The following PRKCZ variants were observed in gnomAD, a reference collection of about 807,000 sequenced individuals.
The protein encoded by PRKCZ is protein kinase C zeta type.
A neutral mutation model predicts 79.5 loss-of-function variants in PRKCZ; 33 were observed. That is an observed-to-expected ratio of 0.41 (90% CI 0.31 to 0.55). PRKCZ has a LOEUF of 0.55. Among genes scored for constraint, PRKCZ ranks in the 20% least tolerant of loss-of-function variants. The pLI is 0.19. For missense variants in PRKCZ, 578 were observed against 813.5 expected (o/e 0.71, Z 3.52); for synonymous variants, 342 against 320.9 (o/e 1.07, Z -0.70).
At chr1:2,050,759 T>A in intron 1 of PRKCZ, 58 bp downstream of exon 1, 24 of 813,832 alleles carry the variant, frequency 2.9e-5, no homozygotes, top group Non-Finnish European at 3.6e-5. Context: ...CGGGGAGGGC[T>A]CAGCCGTCGG....
At position 2,155,787 on chromosome 1, in the gene PRKCZ, CAAT is replaced by C. The variant is rs541857800; in HGVS notation, c.877-207_877-205del. On this transcript the variant is annotated intron_variant, in intron 9 of 17. Transcript: ENST00000378567. ...GTGACGGTGGTGATGATGACAGTGA[CAAT>C]GATGATGATGGTGGTGGTGGTGGTA... Among the ~76,000 whole-genome samples, 490 of 149,670 alleles carry C rather than the reference CAAT, an allele frequency of 3.3e-3. 1 individual carries two copies. The highest frequency in any genetic ancestry group is 0.011 in the African/African-American group (433 of 40,502).
intron 4 of PRKCZ, among the ~76,000 whole-genome samples, chr1:2,100,929 C>CT (rs1557558471): frequency 6.6e-6 from 1 of 151,980 alleles, no homozygotes; most frequent in Non-Finnish European, 1.5e-5. Flanking sequence ...GTCCCCGCTC[C>CT]TTCAGGCTGG....
rs986515400 is a variant in PRKCZ, at chr1:2,173,309, T to C, written c.1286-588T>C. On this transcript the variant is annotated intron_variant, in intron 13 of 17. Transcript: ENST00000378567. This position sits in a 1 kb window ranked among gnomAD's most constrained non-coding sequence, Gnocchi z 5.7. The stretch of plus-strand genomic sequence containing the variant: ...CAGATTGGAGGACTGGAATATAGTC[T>C]AGAACCCAGCTTGGGATGGGGATTC... Among the ~76,000 whole-genome samples the C allele has an allele frequency of 1.3e-5, 2 of 152,108 alleles. No homozygotes were observed. The highest frequency in any genetic ancestry group is 4.8e-5 in the African/African-American group (2 of 41,422).
intron 10 of PRKCZ, among the ~76,000 whole-genome samples, chr1:2,164,288 A>G (rs1016444462): frequency 4.4e-5 from 6 of 135,028 alleles, no homozygotes; most frequent in Admixed American, 3.0e-4. Context: ...CAGGGAGCGT[A>G]AAGAGAGACA....
chr1:2,157,722 T>G (rs548050888), intron 10 of PRKCZ, among the ~76,000 whole-genome samples: 87 of 151,486 alleles, frequency 5.7e-4, no homozygotes, highest in African/African-American at 1.9e-3. Flanking sequence ...GTTTTTTTTT[T>G]TTTTTTTTTA....
At chr1:2,145,979 C>T (rs1380817190) in intron 6 of PRKCZ, 48 bp from the exon 7 acceptor site, 2 of 1,501,284 alleles carry the variant, frequency 1.3e-6, no homozygotes, top group African/African-American at 1.4e-5. Flanking sequence ...CATTGTAACA[C>T]CTGCTCTAGC....
intron 10 of PRKCZ, among the ~76,000 whole-genome samples, chr1:2,157,917 C>T (rs917225073): frequency 6.6e-6 from 1 of 152,174 alleles, no homozygotes; most frequent in East Asian, 1.9e-4. Flanking sequence ...TCCGGGCCAG[C>T]TTTGCGGGCC....
chr1:2,067,278 G>A (rs796561067), intron 4 of PRKCZ, among the ~76,000 whole-genome samples: 1 of 152,166 alleles, frequency 6.6e-6, no homozygotes, highest in Non-Finnish European at 1.5e-5. Context: ...AGAGCTATGC[G>A]GGTTACTGTG....
At chr1:2,062,142 A>C (rs1010188291) in intron 4 of PRKCZ, among the ~76,000 whole-genome samples, 1 of 152,240 alleles carries the variant, frequency 6.6e-6, no homozygotes, top group Non-Finnish European at 1.5e-5. Flanking sequence ...ATATGAGTGA[A>C]TTGGTTTTAT....
chr1:2,090,910 G>A (rs927393011), intron 4 of PRKCZ, among the ~76,000 whole-genome samples: 9 of 152,214 alleles, frequency 5.9e-5, no homozygotes, highest in Non-Finnish European at 1.3e-4. Context: ...CAGTTTTCTT[G>A]ACATTATGAT....
intron 4 of PRKCZ, among the ~76,000 whole-genome samples, chr1:2,090,779 G>A (rs1665362631): frequency 6.6e-6 from 1 of 152,250 alleles, no homozygotes. Context: ...AATCTGGGAG[G>A]CCATGGATCC....
At chr1:2,081,759 C>T (rs552478270) in intron 4 of PRKCZ, among the ~76,000 whole-genome samples, 2 of 152,202 alleles carry the variant, frequency 1.3e-5, no homozygotes, top group South Asian at 2.1e-4. Flanking sequence ...GTGTGGGACT[C>T]GGCAGGTCCC....
chr1:2,141,663 A>T (rs1038445615), intron 5 of PRKCZ: 3 of 155,038 alleles, frequency 1.9e-5, no homozygotes, highest in Non-Finnish European at 2.9e-5. Flanking sequence ...GTTAATTTGT[A>T]AAGATACCTG....
In PRKCZ at chr1:2,128,992, G is replaced by T. The variant is rs1370447718; in HGVS notation, c.335-6270G>T. On this transcript the variant is annotated intron_variant, in intron 4 of 17. Coordinates refer to ENST00000378567, the MANE Select transcript of PRKCZ (RefSeq NM_002744.6). The surrounding 1 kb of genome is among the most constrained non-coding windows in gnomAD (Gnocchi z 6.5). Reference sequence around the variant, plus strand: ...TGTCTGTCGCTTAGGTCAGAAATAGGCCCATCGCTTTCCAAGCAGAAACCC... The same window carrying T: ...TGTCTGTCGCTTAGGTCAGAAATAGTCCCATCGCTTTCCAAGCAGAAACCC... 6.6e-6 allele frequency among the ~76,000 whole-genome samples: 1 copy of T among 152,024 alleles called. No homozygotes were observed. Among genetic ancestry groups the T allele is most frequent in the Non-Finnish European group, 1.5e-5 (1 of 67,998 alleles).
intron 11 of PRKCZ, among the ~76,000 whole-genome samples, chr1:2,170,146 G>A (rs1484033965): frequency 4.6e-5 from 7 of 152,126 alleles, no homozygotes; most frequent in African/African-American, 9.7e-5. Context: ...TTTCCTCAGC[G>A]TTAGGAGCAG....
chr1:2,123,388 C>T lies in PRKCZ; in HGVS notation c.335-11874C>T, dbSNP rs1482961562. ...TGGTTAGGGTTGTGGTGGTTAGGGT[C>T]GTGGCGGTGGTTAGGGTCACGGTGG... On this transcript the variant is annotated intron_variant, in intron 4 of 17. Coordinates refer to ENST00000378567, the MANE Select transcript of PRKCZ (RefSeq NM_002744.6). Among the ~76,000 whole-genome samples the T allele has an allele frequency of 1.1e-3, 5 of 4,504 alleles. 1 individual carries two copies. The highest frequency in any genetic ancestry group is 1.6e-3 in the Non-Finnish European group (5 of 3,120). 3.0% of individuals were successfully genotyped at this position (4,504 alleles called of 152,430 possible). A position where few individuals can be genotyped will look rare whatever the true frequency, so the allele number is the denominator to read the frequency against.
intron 4 of PRKCZ, among the ~76,000 whole-genome samples, chr1:2,122,727 C>T (rs555645871): frequency 1.6e-3 from 5 of 3,034 alleles, no homozygotes; most frequent in Non-Finnish European, 1.8e-3. Context: ...TGGTTAGGGT[C>T]GTGGTGGTTA....
intron 4 of PRKCZ, among the ~76,000 whole-genome samples, chr1:2,130,177 G>T (rs961543894): frequency 6.6e-6 from 1 of 152,240 alleles, no homozygotes; most frequent in Admixed American, 6.5e-5. Context: ...AGGTAGTGGG[G>T]TTACAAGCAT....
intron 4 of PRKCZ, among the ~76,000 whole-genome samples, chr1:2,121,501 GGATCATGGTGGTACTTAA>G: frequency 6.0e-5 from 2 of 33,302 alleles, no homozygotes; most frequent in African/African-American, 4.3e-4. Flanking sequence ...GTGGTAGTTA[GGATCATGGTGGTACTTAA>G]GGTCATGGCA....
Sources: gnomAD v4.1 joint callset for allele counts (sites outside exome capture counted in the v4.1 genomes callset) on GRCh38, gnomAD v4.1.1 for gene constraint, Gnocchi (gnomAD v3.1) non-coding constraint, MANE v1.5 for transcripts, NCBI Gene and HGNC (gene_info 2026-07-23, HGNC 2026-07-21) for gene names.